The following SZT2 variants were observed in gnomAD, a reference collection of about 807,000 sequenced individuals.
SZT2 encodes SZT2 subunit of KICSTOR complex, also known as KICSTOR complex protein SZT2.
A neutral mutation model predicts 404.2 loss-of-function variants in SZT2; 216 were observed. The observed-to-expected ratio is 0.53, with a 90% CI of 0.48 to 0.60. SZT2 has a LOEUF of 0.60. Among genes scored for constraint, SZT2 ranks in the 20% least tolerant of loss-of-function variants. The pLI, the probability that SZT2 is intolerant of heterozygous loss-of-function variation, is 0.00. For synonymous variants in SZT2, 1,693 were observed against 1,749.9 expected (o/e 0.97, Z 0.81); for missense variants, 3,857 against 4,459.2 (o/e 0.86, Z 3.85).
At chr1:43,411,659 A>G (rs760064146) in intron 4 of SZT2, among the ~76,000 whole-genome samples, 7 of 151,836 alleles carry the variant, frequency 4.6e-5, no homozygotes, top group Non-Finnish European at 4.4e-5. Flanking sequence ...CTGTCCACAC[A>G]GTGGAAACCA....
Position 43,441,815 on chromosome 1 carries a change from A to C in SZT2, c.7739A>C (p.His2580Pro). The change falls in exon 55 of 72, where the codon CAT becomes CCT. Residue 2580 changes from histidine (H) to proline (P), a missense_variant. By Grantham distance (77) the His-to-Pro change is moderately conservative (BLOSUM62 -2). Around this residue, in one of 7 missense-constraint regions of SZT2, gnomAD observed 573 missense variants for 592.4 expected, o/e 0.97. Transcript: ENST00000634258. The surrounding 1 kb of genome is among the most constrained non-coding windows in gnomAD (Gnocchi z 4.8). ...ACCAGTGTCCGCATCTTTGAGCAGC[A>C]TTTGTGAGTGTAGATCCTATAGAAT... ...GDTSVRIFEQ[H>P]LGSEPEIFGP... is the part of the protein sequence containing the mutation. The C allele has an allele frequency of 1.2e-6, 2 of 1,614,130 alleles. No individual in the cohort carries two copies. The highest frequency in any genetic ancestry group is 1.7e-6 in the Non-Finnish European group (2 of 1,180,022).
Position 43,427,592 on chromosome 1 carries a change from G to C in SZT2, c.3661G>C (p.Gly1221Arg). The C allele has an allele frequency of 6.2e-7, 1 of 1,614,256 alleles. No individual in the cohort carries two copies. Among genetic ancestry groups the C allele is most frequent in the Non-Finnish European group, 8.5e-7 (1 of 1,180,044 alleles). ...CCGTCGAGACTTACAGGCTTACGCT[G>C]GGCGTCAGGCTTCCCAGACAGAGAG... ...PFRRDLQAYAGRQASQTESAD... is the reference protein window; with the variant it reads ...PFRRDLQAYARRQASQTESAD... The change falls in exon 26 of 72, where the codon GGG becomes CGG. Residue 1221 changes from glycine (G) to arginine (R), a missense_variant. Gly to Arg is a moderately radical substitution (Grantham distance 125). This residue lies in a region of SZT2 where 1,725 missense variants were observed against 1,881.0 expected (regional missense o/e 0.92). Coordinates refer to ENST00000634258, the MANE Select transcript of SZT2 (RefSeq NM_001365999.1).
chr1:43,436,447 A>G (rs542853402), intron 42 of SZT2: 5 of 152,266 alleles, frequency 3.3e-5, no homozygotes, highest in Non-Finnish European at 7.3e-5. Context: ...GAACCCAGAC[A>G]CAGCCCTTCC....
In SZT2 at chr1:43,448,060, GCCCTGCTC is replaced by G; in HGVS notation, c.9564-15_9564-8del. The G allele has an allele frequency of 6.2e-7, 1 of 1,602,028 alleles. No individual in the cohort carries two copies. The highest frequency in any genetic ancestry group is 8.5e-7 in the Non-Finnish European group (1 of 1,171,668). On this transcript the variant is annotated splice_polypyrimidine_tract_variant and intron_variant, in intron 68 of 71. Transcript: ENST00000634258. The surrounding 1 kb of genome is among the most constrained non-coding windows in gnomAD (Gnocchi z 4.2). ...CTCTTGCTACAACCACCACTCTCCT[GCCCTGCTC>G]CCCACCCCAGGCTACAGTTCTTCGT... is the stretch of plus-strand genomic sequence containing the variant.
intron 7 of SZT2, among the ~76,000 whole-genome samples, chr1:43,419,490 T>C (rs1652085417): frequency 6.6e-6 from 1 of 152,148 alleles, no homozygotes; most frequent in Non-Finnish European, 1.5e-5. Flanking sequence ...AAGGAGGTGG[T>C]GGGCCTTTAG....
Position 43,426,836 on chromosome 1 carries a change from C to T in SZT2, c.3309+27C>T, listed in dbSNP as rs374513539. 3.2e-5 allele frequency: 51 copies of T among 1,606,392 alleles called. No homozygotes were observed. The highest frequency in any genetic ancestry group is 3.9e-5 in the Non-Finnish European group (46 of 1,174,216). On this transcript the variant is annotated intron_variant, in intron 23 of 71. Coordinates refer to ENST00000634258, the MANE Select transcript of SZT2 (RefSeq NM_001365999.1). The surrounding 1 kb of genome is among the most constrained non-coding windows in gnomAD (Gnocchi z 4.9). Reference sequence around the variant, plus strand: ...TCAGCACCGATTCTTCTCCCTGAGCCCTTGTCACACTGACCTCCTTCCAGC... The same window carrying T: ...TCAGCACCGATTCTTCTCCCTGAGCTCTTGTCACACTGACCTCCTTCCAGC...
chr1:43,411,707 A>G (rs1444849218), intron 4 of SZT2, among the ~76,000 whole-genome samples: 1 of 152,146 alleles, frequency 6.6e-6, no homozygotes. Flanking sequence ...GGAAGAATGA[A>G]AAACAAAAAC....
chr1:43,427,644 C>A lies in SZT2; in HGVS notation c.3713C>A (p.Pro1238His). 1 of 1,614,222 alleles carries A rather than the reference C, an allele frequency of 6.2e-7. No individual in the cohort carries two copies. The highest frequency in any genetic ancestry group is 8.5e-7 in the Non-Finnish European group (1 of 1,180,052). Residue 1238 changes from proline to histidine, a missense_variant, in exon 26 of 72, where the codon CCT becomes CAT. By Grantham distance (77) the Pro-to-His change is moderately conservative. This residue lies in a region of SZT2 where 1,725 missense variants were observed against 1,881.0 expected (regional missense o/e 0.92). Transcript: ENST00000634258. ...ESADGPRTRC[P>H]VYIYSCSLEA... ...GCGGATGGGCCCCGGACCCGGTGTC[C>A]TGTCTACATCTACAGCTGTTCACTG... is the stretch of plus-strand genomic sequence containing the variant.
Position 43,422,708 on chromosome 1 carries a change from C to A in SZT2, c.1923-61C>A, listed in dbSNP as rs1652546939. 18 of 1,360,090 alleles carry A rather than the reference C, an allele frequency of 1.3e-5. No homozygotes were observed. The South Asian group carries it at 2.2e-4, about 16-fold the overall frequency. 84.3% of individuals were successfully genotyped at this position (1,360,090 alleles called of 1,614,324 possible). A position where few individuals can be genotyped will look rare whatever the true frequency, so the allele number is the denominator to read the frequency against. On this transcript the variant is annotated intron_variant, in intron 13 of 71. Coordinates refer to ENST00000634258, the MANE Select transcript of SZT2 (RefSeq NM_001365999.1). ...CTCATCCCATGTCTCCCTCTAACCC[C>A]AGACCTCACTGCTACTTCCTGCCAA...
At position 43,430,644 on chromosome 1, in the gene SZT2, C is replaced by T. The variant is rs1653757260; in HGVS notation, c.4629C>T (p.Ser1543=). The part of the protein sequence containing the change: ...DVDTVNPDED[S]FSILGGDSPT... ...ACACTGTGAATCCTGATGAAGACTC[C>T]TTCAGTATCTTGGGGGGCGACTCAC... is the stretch of plus-strand genomic sequence containing the variant. Residue 1543 remains serine, a synonymous_variant, in exon 32 of 72, where the codon TCC becomes TCT. Coordinates refer to ENST00000634258, the MANE Select transcript of SZT2 (RefSeq NM_001365999.1). The T allele has an allele frequency of 1.2e-6, 2 of 1,614,062 alleles. No individual in the cohort carries two copies. The highest frequency in any genetic ancestry group is 1.3e-5 in the African/African-American group (1 of 74,906).
chr1:43,451,248 G>T lies in SZT2; in HGVS notation c.*768G>T. ...GTGGTGTGCGGGCCCTCACTGGCCA[G>T]CCTCTGGGTGGCCCCGCCTATCCCA... On this transcript the variant is annotated 3_prime_UTR_variant, in exon 72 of 72. Coordinates refer to ENST00000634258, the MANE Select transcript of SZT2 (RefSeq NM_001365999.1). 1.2e-6 allele frequency: 2 copies of T among 1,613,966 alleles called. No individual in the cohort carries two copies. The highest frequency in any genetic ancestry group is 2.7e-5 in the African/African-American group (2 of 75,070).
Position 43,422,546 on chromosome 1 carries a change from C to T in SZT2, c.1836C>T (p.Ile612=), listed in dbSNP as rs1182801048. ...GCTACAGCACTATCCAGTGCAGGAT[C>T]TCCCACTCCTCCCTGACCTCTCTGC... The part of the protein sequence containing the change: ...NGRYSTIQCR[I]SHSSLTSLLR... The change falls in exon 13 of 72, where the codon ATC becomes ATT. Residue 612 remains isoleucine (I), a synonymous_variant. Coordinates refer to ENST00000634258, the MANE Select transcript of SZT2 (RefSeq NM_001365999.1). 1 of 1,598,232 alleles carries T rather than the reference C, an allele frequency of 6.3e-7. No homozygotes were observed. The highest frequency in any genetic ancestry group is 8.5e-7 in the Non-Finnish European group (1 of 1,179,722).
chr1:43,422,430 C>T (rs773513279), intron 12 of SZT2, 50 bp from the exon 13 acceptor site: 8 of 1,522,812 alleles, frequency 5.3e-6, no homozygotes, highest in Non-Finnish European at 6.1e-6. Context: ...TTCCTTTTCT[C>T]CAAGCCTGGG....
Position 43,422,098 on chromosome 1 carries a change from C to T in SZT2, c.1642C>T (p.Pro548Ser), listed in dbSNP as rs1219800770. The T allele has an allele frequency of 3.1e-6, 5 of 1,596,328 alleles. No homozygotes were observed. Among genetic ancestry groups the T allele is most frequent in the Non-Finnish European group, 3.4e-6 (4 of 1,178,142 alleles). Residue 548 changes from proline (P) to serine (S), a missense_variant, in exon 12 of 72, where the codon CCC becomes TCC. This residue lies in a region of SZT2 where 39 missense variants were observed against 89.7 expected (regional missense o/e 0.43). Coordinates refer to ENST00000634258, the MANE Select transcript of SZT2 (RefSeq NM_001365999.1). ...GSTTPVLSLQ[P>S]SGSDSSHAQF... ...CTGTCCTCAGGTGCTCTCCCTCCAG[C>T]CCAGTGGTTCTGACTCATCCCATGC... is the stretch of plus-strand genomic sequence containing the variant.
intron 63 of SZT2, 22 bp from the exon 64 acceptor site, chr1:43,446,157 G>A (rs746385112): frequency 6.2e-7 from 1 of 1,613,888 alleles, no homozygotes; most frequent in East Asian, 2.2e-5. Flanking sequence ...CCCAAACCTT[G>A]CCCCCTTTTT....
chr1:43,422,781 G>GC lies in SZT2; in HGVS notation c.1941dup (p.Asn648GlnfsTer88), dbSNP rs756814848. The GC allele has an allele frequency of 6.3e-7, 1 of 1,587,858 alleles. No individual in the cohort carries two copies. Among genetic ancestry groups the GC allele is most frequent in the Admixed American group, 1.7e-5 (1 of 58,962 alleles). On this transcript the variant is annotated frameshift_variant, in exon 14 of 72. Transcript: ENST00000634258. LOFTEE classifies it high-confidence loss of function. The stretch of plus-strand genomic sequence containing the variant: ...CATTTCTCCCCAGTGCCCCAGACCA[G>GC]CCCCCCAATTCCTTCTACATGGTCC...
At position 43,452,184 on chromosome 1, in the gene SZT2, G is replaced by A; in HGVS notation, c.*1704G>A. Reference sequence around the variant, plus strand: ...CACCCACAGAGACATGTAAGTACGTGTGTGTTTCCACCTTTCTCACCTGAG... The same window carrying A: ...CACCCACAGAGACATGTAAGTACGTATGTGTTTCCACCTTTCTCACCTGAG... On this transcript the variant is annotated 3_prime_UTR_variant, in exon 72 of 72. Transcript: ENST00000634258. 2 of 1,587,818 alleles carry A rather than the reference G, an allele frequency of 1.3e-6. No homozygotes were observed. Among genetic ancestry groups the A allele is most frequent in the Non-Finnish European group, 1.7e-6 (2 of 1,159,234 alleles).
In SZT2 at chr1:43,453,909, T is replaced by C; in HGVS notation, c.*3429T>C. The C allele has an allele frequency of 8.3e-7, 1 of 1,210,756 alleles. No individual in the cohort carries two copies. The highest frequency in any genetic ancestry group is 1.0e-6 in the Non-Finnish European group (1 of 975,004). 75.0% of individuals were successfully genotyped at this position (1,210,756 alleles called of 1,614,324 possible). A position where few individuals can be genotyped will look rare whatever the true frequency, so the allele number is the denominator to read the frequency against. ...GCTGGCCCTGCGAACGAACGAGCACTGTTCGTGGTTAGAAAAGCGAAGTGC... is the reference window on the plus strand; with the variant it reads ...GCTGGCCCTGCGAACGAACGAGCACCGTTCGTGGTTAGAAAAGCGAAGTGC... On this transcript the variant is annotated 3_prime_UTR_variant, in exon 72 of 72. Transcript: ENST00000634258.
Position 43,427,612 on chromosome 1 carries a change from A to G in SZT2, c.3681A>G (p.Thr1227=), listed in dbSNP as rs1182635338. The G allele has an allele frequency of 1.9e-6, 3 of 1,614,216 alleles. No individual in the cohort carries two copies. Among genetic ancestry groups the G allele is most frequent in the Admixed American group, 1.7e-5 (1 of 60,028 alleles). Residue 1227 remains threonine, a synonymous_variant, in exon 26 of 72, where the codon ACA becomes ACG. Transcript: ENST00000634258. Reference sequence around the variant, plus strand: ...ACGCTGGGCGTCAGGCTTCCCAGACAGAGAGTGCGGATGGGCCCCGGACCC... The same window carrying G: ...ACGCTGGGCGTCAGGCTTCCCAGACGGAGAGTGCGGATGGGCCCCGGACCC... The part of the protein sequence containing the change: ...QAYAGRQASQ[T]ESADGPRTRC...
Sources: gnomAD v4.1 joint callset for allele counts (sites outside exome capture counted in the v4.1 genomes callset) on GRCh38, gnomAD v4.1.1 for gene constraint, gnomAD v4.1.1 regional missense constraint, Gnocchi (gnomAD v3.1) non-coding constraint, MANE v1.5 for transcripts, NCBI Gene and HGNC (gene_info 2026-07-23, HGNC 2026-07-21) for gene names.